The following WDR64 variants were observed in gnomAD, a reference collection of about 807,000 sequenced individuals.
WDR64 encodes the protein WD repeat-containing protein 64.
WDR64 carries 112 observed loss-of-function variants against 139.3 expected under a neutral mutation model. The ratio of observed to expected loss-of-function variants is 0.80; its 90% CI spans 0.69 to 0.94. The LOEUF (loss-of-function observed/expected upper bound fraction) is 0.94, where lower values mean the gene tolerates loss of function less well. WDR64 is among the 40% of genes least tolerant of loss of function. WDR64 has a pLI of 0.00. For missense variants in WDR64, 1,206 were observed against 1,293.1 expected (o/e 0.93, Z 1.03); for synonymous variants, 444 against 437.7 (o/e 1.01, Z -0.18).
chr1:241,678,860 GAAAAAAAAAAAA>G (rs58075238), intron 5 of WDR64, among the ~76,000 whole-genome samples: 15 of 33,622 alleles, frequency 4.5e-4, no homozygotes, highest in East Asian at 4.1e-3. Context: ...TTCTTAAACT[GAAAAAAAAAAAA>G]AAAAAAAAAA....
Position 241,783,269 on chromosome 1 carries a change from T to C in WDR64, c.2596-3T>C, listed in dbSNP as rs760427397. The stretch of plus-strand genomic sequence containing the variant: ...AGGAATATGCCTTGTTTTTGCTATC[T>C]AGAAATTCAAGCAGCTGCTTTCCTG... On this transcript the variant is annotated splice_polypyrimidine_tract_variant and splice_region_variant and intron_variant, in intron 22 of 27. Transcript: ENST00000437684. 1 of 1,612,814 alleles carries C rather than the reference T, an allele frequency of 6.2e-7. No homozygotes were observed. Among genetic ancestry groups the C allele is most frequent in the Non-Finnish European group, 8.5e-7 (1 of 1,179,346 alleles).
At chr1:241,754,290 T>G (rs1331973276) in intron 14 of WDR64, among the ~76,000 whole-genome samples, 5 of 151,120 alleles carry the variant, frequency 3.3e-5, no homozygotes, top group African/African-American at 1.2e-4. Flanking sequence ...GTGCAGAACG[T>G]GCAGGGTTTT....
intron 12 of WDR64, among the ~76,000 whole-genome samples, chr1:241,742,679 A>T (rs987734498): frequency 6.6e-6 from 1 of 152,226 alleles, no homozygotes; most frequent in Non-Finnish European, 1.5e-5. Context: ...TTTATGGAGT[A>T]GCCATTCTTT....
intron 13 of WDR64, among the ~76,000 whole-genome samples, chr1:241,747,979 C>G (rs3922507): frequency 0.41 from 61,745 of 151,960 alleles, 12,892 homozygotes; most frequent in East Asian, 0.51. Flanking sequence ...CACAAAGGGA[C>G]TGTGCGTCCA....
chr1:241,680,045 T>C (rs751483961), intron 6 of WDR64, among the ~76,000 whole-genome samples: 1 of 152,186 alleles, frequency 6.6e-6, no homozygotes, highest in Non-Finnish European at 1.5e-5. Flanking sequence ...ACAGTATTTA[T>C]TGGGCATTTG....
At chr1:241,717,080 T>C (rs1360964333) in intron 9 of WDR64, among the ~76,000 whole-genome samples, 1 of 152,150 alleles carries the variant, frequency 6.6e-6, no homozygotes, top group African/African-American at 2.4e-5. Flanking sequence ...AAGGCTTAGG[T>C]TCTGAACATG....
intron 3 of WDR64, among the ~76,000 whole-genome samples, chr1:241,673,187 T>TG (rs1389012084): frequency 1.9e-5 from 2 of 104,602 alleles, no homozygotes; most frequent in African/African-American, 7.2e-5. Flanking sequence ...GGGACTGTTG[T>TG]GGGGTGGGGG....
At chr1:241,730,062 T>C (rs1377611604) in intron 10 of WDR64, among the ~76,000 whole-genome samples, 1 of 152,194 alleles carries the variant, frequency 6.6e-6, no homozygotes, top group Non-Finnish European at 1.5e-5. Context: ...ATACTATGTA[T>C]TATAAAACAT....
At chr1:241,663,676 G>T (rs767005543) in intron 2 of WDR64, among the ~76,000 whole-genome samples, 31 of 152,150 alleles carry the variant, frequency 2.0e-4, no homozygotes, top group Non-Finnish European at 4.3e-4. Flanking sequence ...GTCCGACAAA[G>T]TGGCCACTAG....
chr1:241,699,357 A>C (rs1431297335), intron 8 of WDR64, among the ~76,000 whole-genome samples: 1 of 152,226 alleles, frequency 6.6e-6, no homozygotes, highest in African/African-American at 2.4e-5. Flanking sequence ...CAGCCATCTG[A>C]ATATGTATTT....
intron 8 of WDR64, among the ~76,000 whole-genome samples, chr1:241,700,471 G>A (rs950447168): frequency 7.5e-4 from 114 of 152,136 alleles, no homozygotes; most frequent in African/African-American, 2.7e-3. Flanking sequence ...AGATATGAAT[G>A]TGGTGAAGAT....
Position 241,683,685 on chromosome 1 carries a change from T to A in WDR64, c.823T>A (p.Ser275Thr), listed in dbSNP as rs141045147. 3.0e-4 allele frequency: 459 copies of A among 1,548,872 alleles called. 3 individuals carry two copies. In the African/African-American group the frequency reaches 5.8e-3, roughly 20 times the overall value. ...AAAATTACAAAATCAGGTCTTAGAC[T>A]CAAAGAACTTTAAAAGGTAAGAGTA... ...KRKLQNQVLDSKNFKSVKRKL... is the reference protein window; with the variant it reads ...KRKLQNQVLDTKNFKSVKRKL... Residue 275 changes from serine to threonine, a missense_variant, in exon 7 of 28, where the codon TCA becomes ACA. Physicochemically the swap from Ser to Thr is moderately conservative, Grantham distance 58. Coordinates refer to ENST00000437684, the MANE Select transcript of WDR64 (RefSeq NM_001367482.1).
At chr1:241,765,459 T>A (rs1028504684) in intron 15 of WDR64, among the ~76,000 whole-genome samples, 1 of 151,566 alleles carries the variant, frequency 6.6e-6, no homozygotes, top group African/African-American at 2.4e-5. Context: ...GGGTACCAAG[T>A]AGGAAACAGA....
chr1:241,771,943 TAC>T (rs199824360), intron 19 of WDR64, among the ~76,000 whole-genome samples: 1,297 of 38,090 alleles, frequency 0.034, 2 homozygotes, highest in African/African-American at 0.067. Flanking sequence ...CATACATACA[TAC>T]ATATATATAT....
At chr1:241,726,478 C>A (rs56007279) in intron 10 of WDR64, among the ~76,000 whole-genome samples, 48,676 of 151,646 alleles carry the variant, frequency 0.32, 8,411 homozygotes, top group Middle Eastern at 0.45. Context: ...ACACTAAAAG[C>A]GGGTGAGTTT....
intron 10 of WDR64, among the ~76,000 whole-genome samples, chr1:241,725,313 A>C (rs780867249): frequency 2.6e-4 from 40 of 152,114 alleles, no homozygotes; most frequent in Non-Finnish European, 3.4e-4. Flanking sequence ...AAAAAAGAAA[A>C]ACAAGAAAAT....
chr1:241,767,423 C>T (rs188489244), intron 16 of WDR64, among the ~76,000 whole-genome samples: 1 of 152,124 alleles, frequency 6.6e-6, no homozygotes, highest in Non-Finnish European at 1.5e-5. Flanking sequence ...TAAGTTCTCC[C>T]CAGCTGTGTA....
chr1:241,798,574 G>A (rs1380243069), intron 27 of WDR64, among the ~76,000 whole-genome samples: 1 of 152,136 alleles, frequency 6.6e-6, no homozygotes, highest in East Asian at 1.9e-4. Flanking sequence ...AAAATGGTGG[G>A]CATAAAACGA....
chr1:241,699,697 GAC>G (rs1667635038), intron 8 of WDR64, among the ~76,000 whole-genome samples: 1 of 152,102 alleles, frequency 6.6e-6, no homozygotes, highest in Non-Finnish European at 1.5e-5. Flanking sequence ...TGGATAAATA[GAC>G]ACAATACAGA....
Sources: gnomAD v4.1 joint callset for allele counts (sites outside exome capture counted in the v4.1 genomes callset) on GRCh38, gnomAD v4.1.1 for gene constraint, MANE v1.5 for transcripts, NCBI Gene and HGNC (gene_info 2026-07-23, HGNC 2026-07-21) for gene names.